MECOM: variants seen among roughly 807,000 people sequenced by gnomAD.
MECOM encodes the protein MDS1 and EVI1 complex locus.
A neutral mutation model predicts 116.3 loss-of-function variants in MECOM; 13 were observed. The observed-to-expected ratio is 0.11, with a 90% confidence interval of 0.07 to 0.18. The LOEUF is 0.18. Among genes scored for constraint, MECOM ranks in the 10% least tolerant of loss-of-function variants. The pLI, the probability that MECOM is intolerant of heterozygous loss-of-function variation, is 1.00. For synonymous variants in MECOM, 528 were observed against 535.2 expected, an observed-to-expected ratio of 0.99 and a Z score of 0.19; for missense variants, 1,299 against 1,509.0, an observed-to-expected ratio of 0.86 and a Z score of 2.31.
At chr3:169,182,318 A>G (rs1284597418) in intron 2 of MECOM, among the ~76,000 whole-genome samples, 1 of 152,224 alleles carries the variant, frequency 6.6e-6, no homozygotes, top group Admixed American at 6.5e-5. Context: ...ATTTCATACA[A>G]ACAAGCAGAC....
At chr3:169,338,682 AG>A (rs1157963420) in intron 2 of MECOM, among the ~76,000 whole-genome samples, 1 of 151,800 alleles carries the variant, frequency 6.6e-6, no homozygotes, top group East Asian at 1.9e-4. Context: ...AGAGAGGGTG[AG>A]AAATGGATCT....
chr3:169,397,862 A>G (rs1345699385), intron 1 of MECOM, among the ~76,000 whole-genome samples: 3 of 152,206 alleles, frequency 2.0e-5, no homozygotes, highest in East Asian at 3.9e-4. Flanking sequence ...TCATGCCTCT[A>G]GACATTTTAT....
chr3:169,128,747 T>C (rs1577071194), intron 4 of MECOM, among the ~76,000 whole-genome samples: 1 of 152,346 alleles, frequency 6.6e-6, no homozygotes, highest in East Asian at 1.9e-4. Flanking sequence ...TGTCATAGCT[T>C]TGTTAAATAG....
intron 2 of MECOM, among the ~76,000 whole-genome samples, chr3:169,184,979 G>A (rs904868724): frequency 6.6e-6 from 1 of 152,020 alleles, no homozygotes; most frequent in African/African-American, 2.4e-5. Flanking sequence ...AGGGAAGGTG[G>A]GCATCTAAAT....
At chr3:169,360,943 C>A (rs144113947) in intron 2 of MECOM, among the ~76,000 whole-genome samples, 38 of 151,914 alleles carry the variant, frequency 2.5e-4, no homozygotes, top group African/African-American at 7.5e-4. Context: ...GATCATACTT[C>A]TCCATGCTAG....
intron 2 of MECOM, among the ~76,000 whole-genome samples, chr3:169,241,997 CTGT>C (rs1028909945): frequency 6.6e-6 from 1 of 152,120 alleles, no homozygotes; most frequent in African/African-American, 2.4e-5. Flanking sequence ...CATTAGTGAT[CTGT>C]GAATAGCATT....
At chr3:169,608,333 C>T (rs1768838762) in intron 1 of MECOM, among the ~76,000 whole-genome samples, 1 of 152,186 alleles carries the variant, frequency 6.6e-6, no homozygotes. Flanking sequence ...CCCCTATGAG[C>T]ATCCCTAGTT....
Position 169,487,832 on chromosome 3 carries a change from G to A in MECOM, c.38-106308C>T, listed in dbSNP as rs537663006. On this transcript the variant is annotated intron_variant, in intron 1 of 16. Coordinates refer to ENST00000651503, the MANE Select transcript of MECOM (RefSeq NM_004991.4). ...GGGGGACTCAGTTTGGAAGTAAGTG[G>A]ATGAAAAAAATACATACCAAAAAAT... is the stretch of plus-strand genomic sequence containing the variant. 6.1e-4 allele frequency among the ~76,000 whole-genome samples: 93 copies of A among 151,838 alleles called. 1 individual carries two copies. Among genetic ancestry groups the A allele is most frequent in the African/African-American group, 2.2e-3 (90 of 41,354 alleles).
intron 2 of MECOM, among the ~76,000 whole-genome samples, chr3:169,329,705 A>C (rs1401306958): frequency 6.6e-6 from 1 of 152,238 alleles, no homozygotes. Context: ...GTTCCATTGC[A>C]ATATTTTTAA....
At chr3:169,325,415 T>G (rs936965307) in intron 2 of MECOM, among the ~76,000 whole-genome samples, 1 of 152,210 alleles carries the variant, frequency 6.6e-6, no homozygotes, top group African/African-American at 2.4e-5. Flanking sequence ...CCACCACTTT[T>G]TAAGGTGCAT....
intron 1 of MECOM, among the ~76,000 whole-genome samples, chr3:169,612,058 GT>G (rs1437403250): frequency 1.3e-5 from 2 of 152,132 alleles, no homozygotes; most frequent in African/African-American, 2.4e-5. Context: ...CTAGTTATGA[GT>G]TATGACAACC....
intron 1 of MECOM, among the ~76,000 whole-genome samples, chr3:169,619,639 T>G (rs1205237915): frequency 6.6e-6 from 1 of 152,132 alleles, no homozygotes; most frequent in Non-Finnish European, 1.5e-5. Flanking sequence ...CCTTGTTGAC[T>G]GGGCTTCCTC....
At chr3:169,091,128 A>C (rs1307920991) in intron 14 of MECOM, among the ~76,000 whole-genome samples, 1 of 152,108 alleles carries the variant, frequency 6.6e-6, no homozygotes, top group Non-Finnish European at 1.5e-5. Flanking sequence ...CACAGACATA[A>C]ATTAGTTTCC....
chr3:169,191,768 AAG>A (rs772458935), intron 2 of MECOM, among the ~76,000 whole-genome samples: 7 of 129,830 alleles, frequency 5.4e-5, no homozygotes, highest in South Asian at 2.6e-4. Context: ...GAAAGAAAGA[AAG>A]AAAGAAAGAA....
At chr3:169,639,436 T>C (rs1031908407) in intron 1 of MECOM, among the ~76,000 whole-genome samples, 3 of 152,196 alleles carry the variant, frequency 2.0e-5, no homozygotes, top group African/African-American at 4.8e-5. Flanking sequence ...ACAAAGTATA[T>C]AGTGAAGCAT....
At chr3:169,505,987 G>A (rs2109001335) in intron 1 of MECOM, among the ~76,000 whole-genome samples, 1 of 152,278 alleles carries the variant, frequency 6.6e-6, no homozygotes, top group Non-Finnish European at 1.5e-5. Flanking sequence ...CAAACAAGGA[G>A]GACAAGAGCT....
At chr3:169,219,910 T>C (rs1027989102) in intron 2 of MECOM, among the ~76,000 whole-genome samples, 1 of 149,010 alleles carries the variant, frequency 6.7e-6, no homozygotes, top group Non-Finnish European at 1.5e-5. Context: ...ATTAAGTTTT[T>C]TTAAAGGATC....
chr3:169,334,764 TC>T, intron 2 of MECOM, among the ~76,000 whole-genome samples: 1 of 152,202 alleles, frequency 6.6e-6, no homozygotes, highest in South Asian at 2.1e-4. Flanking sequence ...AAATAAATAA[TC>T]ACATGTATCC....
rs200448306 is a variant in MECOM, at chr3:169,451,252, GA to G, written c.38-69729del. Among the ~76,000 whole-genome samples the G allele has an allele frequency of 3.5e-3, 505 of 143,376 alleles. 5 individuals are homozygous for G. In the East Asian group the frequency reaches 0.049, roughly 14 times the overall value. The allele number at this position is 143,376 out of a possible 152,430, so 94.1% of individuals were successfully genotyped here. ...TCATTTAGACTTTATTTAAGATGGT[GA>G]AAAAAAAAAAAGCAAAATGTGATAT... On this transcript the variant is annotated intron_variant, in intron 1 of 16. Coordinates refer to ENST00000651503, the MANE Select transcript of MECOM (RefSeq NM_004991.4).
Sources: allele counts gnomAD v4.1 joint callset (sites outside exome capture counted in the v4.1 genomes callset), GRCh38; gene constraint gnomAD v4.1.1; transcripts MANE v1.5; gene names NCBI Gene and HGNC (gene_info 2026-07-23, HGNC 2026-07-21).